The following PRKCA variants were observed in gnomAD, a reference collection of about 807,000 sequenced individuals.
PRKCA encodes the protein protein kinase C alpha.
A neutral mutation model predicts 87.0 loss-of-function variants in PRKCA; 27 were observed. The observed-to-expected ratio is 0.31, with a 90% CI of 0.23 to 0.43. The LOEUF is 0.43. Among genes scored for constraint, PRKCA ranks in the 20% least tolerant of loss-of-function variants. The pLI is 1.00. For synonymous variants in PRKCA, 329 were observed against 311.1 expected (o/e 1.06, Z -0.61); for missense variants, 518 against 852.3 (o/e 0.61, Z 4.88).
At chr17:66,405,440 CT>C (rs1427723205) in intron 2 of PRKCA, among the ~76,000 whole-genome samples, 3 of 152,218 alleles carry the variant, frequency 2.0e-5, no homozygotes, top group Non-Finnish European at 4.4e-5. Flanking sequence ...GTGATGCTCT[CT>C]GGATCGGGTC....
At chr17:66,595,480 G>A (rs866085198) in intron 3 of PRKCA, among the ~76,000 whole-genome samples, 155 of 34,842 alleles carry the variant, frequency 4.4e-3, no homozygotes, top group Middle Eastern at 0.014. Flanking sequence ...TTTTTTTTTT[G>A]AGACAGTCTT....
chr17:66,332,229 C>CTTTTT (rs59302970), intron 2 of PRKCA, among the ~76,000 whole-genome samples: 78 of 129,906 alleles, frequency 6.0e-4, no homozygotes, highest in Middle Eastern at 4.0e-3. Context: ...TTCCTTCCTT[C>CTTTTT]TTTTTTTTTT....
intron 2 of PRKCA, among the ~76,000 whole-genome samples, chr17:66,318,190 T>A (rs1304852453): frequency 6.6e-6 from 1 of 152,246 alleles, no homozygotes; most frequent in African/African-American, 2.4e-5. Flanking sequence ...ATTAGTTTCT[T>A]CAATCTGAAT....
chr17:66,786,669 A>G (rs543291036), intron 14 of PRKCA, among the ~76,000 whole-genome samples, 198 bp from the exon 15 acceptor site: 2 of 152,332 alleles, frequency 1.3e-5, no homozygotes, highest in Non-Finnish European at 2.9e-5. Flanking sequence ...GACAGAGGGG[A>G]AAAAATGAAA....
intron 2 of PRKCA, among the ~76,000 whole-genome samples, chr17:66,451,875 A>G (rs1261388611): frequency 6.6e-6 from 1 of 152,198 alleles, no homozygotes; most frequent in Non-Finnish European, 1.5e-5. Flanking sequence ...TCTAATAAAG[A>G]CAAAGGCCAG....
intron 3 of PRKCA, among the ~76,000 whole-genome samples, chr17:66,553,326 G>C (rs943716940): frequency 6.6e-6 from 1 of 152,160 alleles, no homozygotes. Context: ...GCTCAAATGA[G>C]ATTGGATCAA....
intron 2 of PRKCA, among the ~76,000 whole-genome samples, chr17:66,392,368 T>A (rs889223681): frequency 3.9e-5 from 6 of 152,220 alleles, no homozygotes; most frequent in African/African-American, 1.4e-4. Context: ...CTGTGCCATT[T>A]GCATAGATAC....
intron 3 of PRKCA, among the ~76,000 whole-genome samples, chr17:66,584,255 T>G (rs1328064126): frequency 7.0e-6 from 1 of 142,806 alleles, no homozygotes; most frequent in African/African-American, 2.7e-5. Context: ...GGAATCTCGC[T>G]CTGTCGCCCA....
Position 66,805,177 on chromosome 17 carries a change from C to G in PRKCA, c.*1140C>G. On this transcript the variant is annotated 3_prime_UTR_variant, in exon 17 of 17. Transcript: ENST00000413366. ...CCCATTTCTAGTTCACGTTGAATGA[C>G]AGGCCTGGAGCTGTAGAATCAGGAA... The G allele has an allele frequency of 1.0e-6, 1 of 959,754 alleles. No individual in the cohort carries two copies. The highest frequency in any genetic ancestry group is 1.2e-6 in the Non-Finnish European group (1 of 806,550). The allele number at this position is 959,754 out of a possible 1,614,324, so 59.5% of individuals were successfully genotyped here.
intron 14 of PRKCA, chr17:66,777,753 G>T (rs369072906): frequency 1.0e-6 from 1 of 985,228 alleles, no homozygotes; most frequent in East Asian, 1.1e-4. Context: ...ATGCAAAAGG[G>T]GCTGGGCGGA....
intron 14 of PRKCA, chr17:66,778,067 C>T (rs1179861366): frequency 1.0e-6 from 1 of 985,296 alleles, no homozygotes; most frequent in Non-Finnish European, 1.2e-6. Flanking sequence ...TTAAAGGTTT[C>T]CCTACTAAGC....
At chr17:66,704,159 TAA>T (rs60117629) in intron 8 of PRKCA, among the ~76,000 whole-genome samples, 3,508 of 140,798 alleles carry the variant, frequency 0.025, 131 homozygotes, top group African/African-American at 0.084. Flanking sequence ...TCAGCAAAGT[TAA>T]AAAAAAAAAA....
intron 8 of PRKCA, among the ~76,000 whole-genome samples, chr17:66,706,784 T>C (rs1022005739): frequency 2.0e-5 from 3 of 152,186 alleles, no homozygotes; most frequent in African/African-American, 7.2e-5. Context: ...CATTCGTGTG[T>C]TGTCCACAGC....
At chr17:66,361,676 C>T (rs1346308715) in intron 2 of PRKCA, among the ~76,000 whole-genome samples, 1 of 152,098 alleles carries the variant, frequency 6.6e-6, no homozygotes, top group African/African-American at 2.4e-5. Context: ...TCTGGTTTTC[C>T]AATAGTTTTC....
chr17:66,612,813 G>T (rs947075499), intron 3 of PRKCA, among the ~76,000 whole-genome samples: 1 of 151,932 alleles, frequency 6.6e-6, no homozygotes, highest in Non-Finnish European at 1.5e-5. Flanking sequence ...TTTTCCAGGG[G>T]AAGAAAACCT....
At chr17:66,526,697 T>C (rs576207357) in intron 3 of PRKCA, among the ~76,000 whole-genome samples, 21 of 152,148 alleles carry the variant, frequency 1.4e-4, no homozygotes, top group Non-Finnish European at 2.8e-4. Flanking sequence ...GGAAATAGAC[T>C]GTATCTTTAG....
At chr17:66,489,791 T>TC (rs1458001572) in intron 2 of PRKCA, among the ~76,000 whole-genome samples, 4 of 151,706 alleles carry the variant, frequency 2.6e-5, no homozygotes, top group Admixed American at 1.3e-4. Flanking sequence ...CTTTTTTTTT[T>TC]CTTTCTTGAG....
intron 3 of PRKCA, among the ~76,000 whole-genome samples, chr17:66,511,616 C>T (rs1199756099): frequency 2.6e-5 from 4 of 151,872 alleles, no homozygotes; most frequent in East Asian, 1.9e-4. Flanking sequence ...CTTGGGCTTG[C>T]GGATTTGCTG....
intron 3 of PRKCA, among the ~76,000 whole-genome samples, chr17:66,606,727 C>A (rs756083213): frequency 9.2e-5 from 14 of 152,138 alleles, no homozygotes; most frequent in Non-Finnish European, 2.1e-4. Flanking sequence ...TGATACTACT[C>A]TTAGAAATCA....
Sources: gnomAD v4.1 joint callset for allele counts (sites outside exome capture counted in the v4.1 genomes callset) on GRCh38, gnomAD v4.1.1 for gene constraint, MANE v1.5 for transcripts, NCBI Gene and HGNC (gene_info 2026-07-23, HGNC 2026-07-21) for gene names.